EML6: variants seen among roughly 807,000 people sequenced by gnomAD.
The protein encoded by EML6 is echinoderm microtubule-associated protein-like 6.
EML6 carries 154 observed loss-of-function variants against 240.1 expected under a neutral mutation model. The observed-to-expected ratio is 0.64, with a 90% confidence interval of 0.56 to 0.73. EML6 has a LOEUF of 0.73. Ranked by LOEUF, EML6 falls within the 30% of genes least tolerant of loss-of-function variation. The probability of loss-of-function intolerance (pLI) is 0.00; values close to 1 mark genes in which losing one functional copy is unlikely to be tolerated. For missense variants in EML6, 2,964 were observed against 2,474.6 expected (o/e 1.20, Z -4.20); for synonymous variants, 1,148 against 899.0 (o/e 1.28, Z -4.95).
chr2:54,787,865 G>T (rs530701472), intron 2 of EML6, among the ~76,000 whole-genome samples: 3 of 152,110 alleles, frequency 2.0e-5, no homozygotes, highest in African/African-American at 7.2e-5. Flanking sequence ...TCAATTTTTA[G>T]GCCAGACCTA....
chr2:54,893,123 A>C (rs770843076), intron 19 of EML6, among the ~76,000 whole-genome samples: 1 of 152,166 alleles, frequency 6.6e-6, no homozygotes, highest in South Asian at 2.1e-4. Flanking sequence ...CTTTAACAAG[A>C]GTGTTAGAGT....
At chr2:54,968,337 A>G in intron 40 of EML6, 56 bp downstream of exon 40, 2 of 1,503,118 alleles carry the variant, frequency 1.3e-6, no homozygotes. Flanking sequence ...CGTCTGCAGG[A>G]GATAGGGGCC....
chr2:54,728,866 A>G (rs941941779), intron 2 of EML6, among the ~76,000 whole-genome samples: 4 of 152,186 alleles, frequency 2.6e-5, no homozygotes, highest in Non-Finnish European at 5.9e-5. Flanking sequence ...TTAAAAAATC[A>G]TAAATTCTTT....
intron 24 of EML6, among the ~76,000 whole-genome samples, chr2:54,905,297 T>A (rs933669227): frequency 2.0e-4 from 30 of 146,492 alleles, no homozygotes; most frequent in African/African-American, 7.3e-4. Flanking sequence ...TAGAATAGGG[T>A]CTGATTAACT....
chr2:54,904,374 C>T (rs1348866271), intron 24 of EML6, among the ~76,000 whole-genome samples: 1 of 152,170 alleles, frequency 6.6e-6, no homozygotes, highest in Non-Finnish European at 1.5e-5. Context: ...GAATGGACAG[C>T]ATTCCCACCT....
In EML6 at chr2:54,908,682, C is replaced by G. The variant is rs1673475086; in HGVS notation, c.3410-2272C>G. Among the ~76,000 whole-genome samples the G allele has an allele frequency of 2.0e-5, 3 of 152,162 alleles. No homozygotes were observed. In the South Asian group the frequency reaches 6.2e-4, roughly 31 times the overall value. ...TGACCCCTCTCTCTGCACAAGCAGC[C>G]TTTCTCTACTTCATCTGCACATGGC... On this transcript the variant is annotated intron_variant, in intron 24 of 41. Transcript: ENST00000356458.
Position 54,725,245 on chromosome 2 carries a change from G to C in EML6, c.184G>C (p.Asp62His). 2 of 1,480,814 alleles carry C rather than the reference G, an allele frequency of 1.4e-6. No individual in the cohort carries two copies. Among genetic ancestry groups the C allele is most frequent in the Non-Finnish European group, 1.8e-6 (2 of 1,108,742 alleles). The allele number at this position is 1,480,814 out of a possible 1,614,324, so 91.7% of individuals were successfully genotyped here. ...HSQKFFLGHN[D>H]DIISLALHPD... Reference sequence around the variant, plus strand: ...CCAAAAATTCTTCCTGGGACACAACGACGACATTATCAGGTAAGGGGGTGG... The same window carrying C: ...CCAAAAATTCTTCCTGGGACACAACCACGACATTATCAGGTAAGGGGGTGG... The change falls in exon 2 of 42, where the codon GAC (aspartate) becomes CAC (histidine). Residue 62 changes from aspartate (D) to histidine (H), a missense_variant. Transcript: ENST00000356458. This position sits in a 1 kb window ranked among gnomAD's most constrained non-coding sequence, Gnocchi z 4.3.
chr2:54,969,513 C>T lies in EML6; in HGVS notation c.5853-558C>T, dbSNP rs552702684. 3.5e-4 allele frequency among the ~76,000 whole-genome samples: 53 copies of T among 152,294 alleles called. No homozygotes were observed. In the South Asian group the frequency reaches 7.1e-3, roughly 20 times the overall value. On this transcript the variant is annotated intron_variant, in intron 41 of 41. Coordinates refer to ENST00000356458, the MANE Select transcript of EML6 (RefSeq NM_001039753.4). ...GCACTTATAGCCCTTGAGATAGTAC[C>T]GCCAGCAGCTCCCTGTGAAGTGCTA...
chr2:54,926,970 G>T (rs1193394402), intron 26 of EML6, among the ~76,000 whole-genome samples: 1 of 152,190 alleles, frequency 6.6e-6, no homozygotes, highest in Admixed American at 6.5e-5. Flanking sequence ...GCTTGCATTT[G>T]TAGTGTATAA....
At chr2:54,950,520 T>G (rs1675919713) in intron 29 of EML6, 130 bp from the exon 30 acceptor site, 1 of 966,256 alleles carries the variant, frequency 1.0e-6, no homozygotes, top group South Asian at 1.9e-5. Context: ...ATGTTTTCAG[T>G]GAGTGTGTGT....
chr2:54,745,612 A>T (rs1218259128), intron 2 of EML6, among the ~76,000 whole-genome samples: 3 of 152,126 alleles, frequency 2.0e-5, no homozygotes, highest in African/African-American at 7.2e-5. Context: ...CTCCGCCTCT[A>T]CAAAAAAATA....
intron 2 of EML6, among the ~76,000 whole-genome samples, chr2:54,741,569 A>C (rs1385723954): frequency 6.6e-6 from 1 of 152,206 alleles, no homozygotes; most frequent in Non-Finnish European, 1.5e-5. Context: ...ACTGTTCTCC[A>C]CAAAAAAGAA....
At chr2:54,860,442 G>T (rs935663553) in intron 12 of EML6, among the ~76,000 whole-genome samples, 39 of 152,208 alleles carry the variant, frequency 2.6e-4, no homozygotes, top group African/African-American at 8.2e-4. Context: ...ATTTCCGGAG[G>T]CTACTTGGCG....
intron 17 of EML6, among the ~76,000 whole-genome samples, chr2:54,883,529 C>A (rs1180963387): frequency 6.6e-6 from 1 of 152,142 alleles, no homozygotes; most frequent in Admixed American, 6.5e-5. Context: ...TGTGCAGTTG[C>A]CCTTGGCCTC....
chr2:54,965,388 G>A (rs996909656), intron 38 of EML6, among the ~76,000 whole-genome samples: 21 of 152,236 alleles, frequency 1.4e-4, no homozygotes, highest in African/African-American at 5.1e-4. Context: ...GACAAAATGA[G>A]ACTGGTCCCG....
chr2:54,901,632 G>A (rs957547812), intron 22 of EML6, among the ~76,000 whole-genome samples: 1 of 152,204 alleles, frequency 6.6e-6, no homozygotes, highest in Non-Finnish European at 1.5e-5. Context: ...GATAGATTGT[G>A]ATTAACCTAA....
At chr2:54,810,039 A>T (rs1457072245) in intron 2 of EML6, among the ~76,000 whole-genome samples, 1 of 152,192 alleles carries the variant, frequency 6.6e-6, no homozygotes, top group Non-Finnish European at 1.5e-5. Flanking sequence ...TAACATTATG[A>T]GTCACTCTAA....
At chr2:54,870,491 C>T (rs560150478) in intron 15 of EML6, among the ~76,000 whole-genome samples, 5 of 152,078 alleles carry the variant, frequency 3.3e-5, no homozygotes, top group African/African-American at 7.2e-5. Flanking sequence ...AAGGGCTGAC[C>T]GTTGGTTTAT....
chr2:54,787,701 T>G (rs1178398394), intron 2 of EML6, among the ~76,000 whole-genome samples: 1 of 152,212 alleles, frequency 6.6e-6, no homozygotes, highest in African/African-American at 2.4e-5. Context: ...GAGTCGTGTC[T>G]GGAGATGTCT....
Sources: gnomAD v4.1 joint callset for allele counts (sites outside exome capture counted in the v4.1 genomes callset) on GRCh38, gnomAD v4.1.1 for gene constraint, Gnocchi (gnomAD v3.1) non-coding constraint, MANE v1.5 for transcripts, NCBI Gene and HGNC (gene_info 2026-07-23, HGNC 2026-07-21) for gene names.